The following SERPINE3 variants were observed in gnomAD, a reference collection of about 807,000 sequenced individuals.
SERPINE3 encodes the protein serpin E3.
In SERPINE3, 43 loss-of-function variants were observed where a neutral mutation model predicts 41.7. The observed-to-expected ratio is 1.03, with a 90% CI of 0.81 to 1.33. The LOEUF (loss-of-function observed/expected upper bound fraction) is 1.33. SERPINE3 is among the 40% of genes most tolerant of loss of function. SERPINE3 has a pLI of 0.00. For synonymous variants in SERPINE3, 200 were observed against 192.2 expected (o/e 1.04, Z -0.34); for missense variants, 440 against 491.7 (o/e 0.89, Z 0.99).
intron 3 of SERPINE3, among the ~76,000 whole-genome samples, chr13:51,343,689 A>C (rs1566191130): frequency 6.6e-6 from 1 of 152,148 alleles, no homozygotes; most frequent in Non-Finnish European, 1.5e-5. Context: ...GTATTTCTCA[A>C]ATTGAAAGCA....
Position 51,355,099 on chromosome 13 carries a change from C to G in SERPINE3, c.956C>G (p.Thr319Ser), listed in dbSNP as rs753814971. Residue 319 changes from threonine to serine, a missense_variant, in exon 7 of 10, where the codon ACC becomes AGC. Thr to Ser is a moderately conservative substitution (Grantham distance 58, BLOSUM62 1). Transcript: ENST00000681248. ...AGCATTTTAAATTCTTGGGGAGTCA[C>G]CGATCTTTTTGATCCACTCAAAGCT... ...LKSILNSWGVTDLFDPLKANL... is the reference protein window; with the variant it reads ...LKSILNSWGVSDLFDPLKANL... The G allele has an allele frequency of 3.9e-6, 6 of 1,552,266 alleles. No homozygotes were observed. The East Asian group carries it at 1.4e-4, about 37-fold the overall frequency.
chr13:51,362,783 A>G (rs1223801780), intron 9 of SERPINE3: 1 of 152,462 alleles, frequency 6.6e-6, no homozygotes, highest in Non-Finnish European at 1.5e-5. Flanking sequence ...ATTTTATCTG[A>G]GAATCATTTG....
rs759208145 is a variant in SERPINE3 at position 51,347,058 on chromosome 13, C to T, written c.524C>T (p.Pro175Leu). 8.8e-6 allele frequency: 14 copies of T among 1,595,724 alleles called. No individual in the cohort carries two copies. The highest frequency in any genetic ancestry group is 5.7e-5 in the South Asian group (5 of 87,882). The part of the protein sequence containing the change: ...GGPSEGPGGW[P>L]WEQVSAAFAQ... ...CCCAGTGAGGGCCCTGGTGGCTGGC[C>T]GTGGGAGCAAGTCAGTGCAGCATTT... The change falls in exon 5 of 10, where the codon CCG becomes CTG. Residue 175 changes from proline to leucine, a missense_variant. Coordinates refer to ENST00000681248, the MANE Select transcript of SERPINE3 (RefSeq NM_001386375.1).
chr13:51,361,716 T>C, intron 8 of SERPINE3, 94 bp from the exon 9 acceptor site: 1 of 1,153,466 alleles, frequency 8.7e-7, no homozygotes. Flanking sequence ...TAGGATGCTT[T>C]GATTTCTTAA....
intron 9 of SERPINE3, chr13:51,363,615 G>A (rs1955627327): frequency 6.6e-6 from 1 of 151,860 alleles, no homozygotes; most frequent in African/African-American, 2.4e-5. Flanking sequence ...GTTTCCCCTA[G>A]ATGTATTTCC....
At chr13:51,352,119 G>C (rs2137795497) in intron 6 of SERPINE3, among the ~76,000 whole-genome samples, 1 of 152,094 alleles carries the variant, frequency 6.6e-6, no homozygotes, top group African/African-American at 2.4e-5. Context: ...ATAAATTTTA[G>C]AATCAGCTTG....
rs376110836 is a variant in SERPINE3 at position 51,361,816 on chromosome 13, T to C, written c.1094T>C (p.Leu365Ser). 4 of 1,604,266 alleles carry C rather than the reference T, an allele frequency of 2.5e-6. No individual in the cohort carries two copies. The African/African-American group carries it at 4.0e-5, about 16-fold the overall frequency. ...TTTTCTTTCTTTCCTGCAGCTCTGT[T>C]GTTATTGAAAAGGTCTCGGATTCCT... ...GTKASGATALLLLKRSRIPIF... is the reference protein window; with the variant it reads ...GTKASGATALSLLKRSRIPIF... Residue 365 changes from leucine to serine, a missense_variant, in exon 9 of 10, where the codon TTG becomes TCG. Physicochemically the swap from Leu to Ser is moderately radical, Grantham distance 145. Transcript: ENST00000681248.
At chr13:51,360,037 T>C (rs1031322423) in intron 7 of SERPINE3, among the ~76,000 whole-genome samples, 2 of 152,194 alleles carry the variant, frequency 1.3e-5, no homozygotes, top group East Asian at 3.9e-4. Context: ...ACAGTGAATA[T>C]AGCCAACTCC....
At chr13:51,347,644 A>C (rs1002618948) in intron 5 of SERPINE3, among the ~76,000 whole-genome samples, 1 of 152,188 alleles carries the variant, frequency 6.6e-6, no homozygotes, top group African/African-American at 2.4e-5. Context: ...CGCATCAGAA[A>C]ATATTAAATG....
At chr13:51,361,062 TAA>T (rs1381316898) in intron 7 of SERPINE3, among the ~76,000 whole-genome samples, 4 of 152,018 alleles carry the variant, frequency 2.6e-5, no homozygotes, top group African/African-American at 7.2e-5. Context: ...TATAACAAAT[TAA>T]AGTTTGGTAA....
intron 6 of SERPINE3, among the ~76,000 whole-genome samples, chr13:51,349,734 GAA>G (rs1213874984): frequency 6.6e-6 from 1 of 152,138 alleles, no homozygotes; most frequent in East Asian, 1.9e-4. Context: ...TTTGAAAACT[GAA>G]AAACACTGGC....
Position 51,361,308 on chromosome 13 carries a change from T to A in SERPINE3, c.1031T>A (p.Ile344Asn). ...GATGGCTTTTATGTTTCTGAAGCAA[T>A]CCACAAGGCCAAGATTGAAGTTTTG... ...GQDGFYVSEA[I>N]HKAKIEVLEE... Residue 344 changes from isoleucine (I) to asparagine (N), a missense_variant, in exon 8 of 10, where the codon ATC (isoleucine) becomes AAC (asparagine). Physicochemically the swap from Ile to Asn is moderately radical, Grantham distance 149 (BLOSUM62 -3). Coordinates refer to ENST00000681248, the MANE Select transcript of SERPINE3 (RefSeq NM_001386375.1). 1.2e-6 allele frequency: 2 copies of A among 1,610,200 alleles called. No individual in the cohort carries two copies. The highest frequency in any genetic ancestry group is 2.2e-5 in the South Asian group (2 of 90,626).
At chr13:51,351,247 C>T (rs746896808) in intron 6 of SERPINE3, among the ~76,000 whole-genome samples, 2 of 152,128 alleles carry the variant, frequency 1.3e-5, no homozygotes, top group Non-Finnish European at 2.9e-5. Flanking sequence ...AGTCACTGCA[C>T]CATTTTACAT....
At chr13:51,359,403 C>A (rs1185335621) in intron 7 of SERPINE3, among the ~76,000 whole-genome samples, 2 of 152,080 alleles carry the variant, frequency 1.3e-5, no homozygotes, top group Non-Finnish European at 2.9e-5. Context: ...TTAAAAGATG[C>A]TGATGCTGGG....
intron 6 of SERPINE3, among the ~76,000 whole-genome samples, chr13:51,350,283 T>C (rs574303249): frequency 1.3e-5 from 2 of 152,130 alleles, no homozygotes; most frequent in South Asian, 4.1e-4. Context: ...TATTTATAAA[T>C]AAATAAAAAA....
At chr13:51,351,393 T>C (rs1267853870) in intron 6 of SERPINE3, among the ~76,000 whole-genome samples, 1 of 152,186 alleles carries the variant, frequency 6.6e-6, no homozygotes, top group Admixed American at 6.5e-5. Context: ...ATTTCCCTAA[T>C]GACTAATGAG....
intron 3 of SERPINE3, among the ~76,000 whole-genome samples, chr13:51,343,958 G>T (rs1321091976): frequency 6.6e-6 from 1 of 152,208 alleles, no homozygotes. Context: ...AATTAAGGAA[G>T]AATATCCTCT....
At chr13:51,351,302 T>A (rs773377706) in intron 6 of SERPINE3, among the ~76,000 whole-genome samples, 3 of 152,192 alleles carry the variant, frequency 2.0e-5, no homozygotes, top group Admixed American at 6.5e-5. Flanking sequence ...CACATCCTTG[T>A]CAACACTTGT....
chr13:51,348,720 G>C (rs1434581821), intron 6 of SERPINE3: 2 of 319,406 alleles, frequency 6.3e-6, no homozygotes, highest in Non-Finnish European at 1.2e-5. Flanking sequence ...CCCTAGGCTG[G>C]ACCAGTTTTT....
Sources: allele counts gnomAD v4.1 joint callset (sites outside exome capture counted in the v4.1 genomes callset), GRCh38; gene constraint gnomAD v4.1.1; transcripts MANE v1.5; gene names NCBI Gene and HGNC (gene_info 2026-07-23, HGNC 2026-07-21).